Variants in CYP2J2 observed in about 807,000 individuals in gnomAD.
CYP2J2 encodes the protein cytochrome P450 family 2 subfamily J member 2.
Under a neutral mutation model 48.8 loss-of-function variants are expected in CYP2J2, and 41 were observed. That is an observed-to-expected ratio of 0.84 (90% CI 0.66 to 1.09). The LOEUF (loss-of-function observed/expected upper bound fraction) is 1.09. Among genes scored for constraint, CYP2J2 ranks in the 50% least tolerant of loss-of-function variants. The pLI, the probability that CYP2J2 is intolerant of heterozygous loss-of-function variation, is 0.00. For synonymous variants in CYP2J2, 221 were observed against 227.1 expected (o/e 0.97, Z 0.24); for missense variants, 644 against 617.3 (o/e 1.04, Z -0.46).
intron 7 of CYP2J2, 69 bp downstream of exon 7, chr1:59,904,802 A>T: frequency 7.5e-7 from 1 of 1,334,242 alleles, no homozygotes; most frequent in Non-Finnish European, 1.1e-6. Flanking sequence ...TAGGACAAGA[A>T]TAAATGTCAC....
At chr1:59,949,854 T>C in the CYP2J2 span, among the ~76,000 whole-genome samples, 1 of 152,144 alleles carries the variant, frequency 6.6e-6, no homozygotes, top group East Asian at 1.9e-4. Context: ...TGCTCCACCC[T>C]CTCAGTACCA....
At chr1:59,960,440 C>T in the CYP2J2 span, among the ~76,000 whole-genome samples, 1 of 152,186 alleles carries the variant, frequency 6.6e-6, no homozygotes, top group African/African-American at 2.4e-5. Context: ...GGGGAAAGTA[C>T]ACTGAATGGT....
In CYP2J2 at chr1:59,893,913, A is replaced by C. The variant is rs185108933; in HGVS notation, c.1331-84T>G. 2.6e-3 allele frequency: 3,422 copies of C among 1,341,138 alleles called. 8 individuals carry two copies. Among genetic ancestry groups the C allele is most frequent in the Middle Eastern group, 3.4e-3 (18 of 5,274 alleles). The allele number at this position is 1,341,138 out of a possible 1,614,324, so 83.1% of individuals were successfully genotyped here. A position where few individuals can be genotyped will look rare whatever the true frequency, so the allele number is the denominator to read the frequency against. On this transcript the variant is annotated intron_variant, in intron 8 of 8. Coordinates refer to ENST00000371204, the MANE Select transcript of CYP2J2 (RefSeq NM_000775.4). Reference sequence around the variant, plus strand: ...GATTGCTATCCTCAATCATATCCCCAAAAAAATGGAGCAGAGGAAGGGCCT... The same window carrying C: ...GATTGCTATCCTCAATCATATCCCCCAAAAAATGGAGCAGAGGAAGGGCCT...
intron 6 of CYP2J2, 103 bp downstream of exon 6, chr1:59,907,683 C>G: frequency 1.5e-6 from 2 of 1,292,176 alleles, no homozygotes; most frequent in Non-Finnish European, 1.1e-6. Flanking sequence ...TGTTCTGCCT[C>G]TCTTTTCATC....
chr1:59,935,028 A>ATATATATATATATATACATG, the CYP2J2 span, among the ~76,000 whole-genome samples: 1 of 107,498 alleles, frequency 9.3e-6, no homozygotes, highest in East Asian at 2.5e-4. Flanking sequence ...ATATATATAT[A>ATATATATATATATATACATG]TATATATATA....
chr1:59,949,763 A>C, the CYP2J2 span, among the ~76,000 whole-genome samples: 1 of 148,264 alleles, frequency 6.7e-6, no homozygotes, highest in Non-Finnish European at 1.5e-5. Flanking sequence ...CTCTCAGCAG[A>C]TATTTATTTT....
At chr1:59,936,540 C>A in the CYP2J2 span, among the ~76,000 whole-genome samples, 1 of 152,136 alleles carries the variant, frequency 6.6e-6, no homozygotes, top group South Asian at 2.1e-4. Context: ...AACACATGCA[C>A]CTTGGATTTC....
chr1:59,962,660 T>C, the CYP2J2 span, among the ~76,000 whole-genome samples: 5 of 152,178 alleles, frequency 3.3e-5, no homozygotes, highest in Admixed American at 3.3e-4. Context: ...AGTCATAATG[T>C]TATAATTGAA....
chr1:59,948,644 T>G, the CYP2J2 span, among the ~76,000 whole-genome samples: 1 of 152,358 alleles, frequency 6.6e-6, no homozygotes, highest in Non-Finnish European at 1.5e-5. Flanking sequence ...CTTATTGCAC[T>G]AATAATCATA....
Position 59,904,932 on chromosome 1 carries a change from G to T in CYP2J2, c.1130C>A (p.Pro377His). The change falls in exon 7 of 9, where the codon CCC becomes CAC. Residue 377 changes from proline (P) to histidine (H), a missense_variant. Transcript: ENST00000371204. ...TGTCACTTCCCTGGGAACGTTCAGG[G>T]GGATGATGTTGCCCATTCTCTGCAC... ...HEVQRMGNII[P>H]LNVPREVTVD... The T allele has an allele frequency of 6.2e-7, 1 of 1,613,902 alleles. No individual in the cohort carries two copies. Among genetic ancestry groups the T allele is most frequent in the Non-Finnish European group, 8.5e-7 (1 of 1,179,938 alleles).
At chr1:59,899,135 G>A (rs983185496) in intron 8 of CYP2J2, among the ~76,000 whole-genome samples, 7 of 152,194 alleles carry the variant, frequency 4.6e-5, no homozygotes, top group African/African-American at 1.4e-4. Flanking sequence ...TTTGTGGAAT[G>A]CAGAGGTCAC....
upstream of CYP2J2, chr1:59,926,914 C>A: frequency 1.6e-6 from 1 of 639,234 alleles, no homozygotes; most frequent in Non-Finnish European, 2.7e-6. Context: ...ACGCACCGGT[C>A]TCAGAAAAGG....
the CYP2J2 span, among the ~76,000 whole-genome samples, chr1:59,935,352 A>G: frequency 3.9e-5 from 6 of 152,084 alleles, no homozygotes; most frequent in Non-Finnish European, 7.4e-5. Flanking sequence ...TATAGTTAAC[A>G]GTGCATTGTG....
At chr1:59,939,450 T>A in the CYP2J2 span, among the ~76,000 whole-genome samples, 2 of 152,222 alleles carry the variant, frequency 1.3e-5, no homozygotes, top group East Asian at 3.9e-4. Context: ...TCTCTCTCTC[T>A]CTGTTCCAAG....
the CYP2J2 span, among the ~76,000 whole-genome samples, chr1:59,961,018 T>C: frequency 5.3e-5 from 8 of 152,300 alleles, no homozygotes; most frequent in South Asian, 1.7e-3. Context: ...TAAATATAGG[T>C]GCTAAAATGA....
rs962737923 is a variant in CYP2J2 at position 59,911,904 on chromosome 1, T to C, written c.524-136A>G. The C allele has an allele frequency of 3.2e-6, 3 of 924,458 alleles. No homozygotes were observed. In the East Asian group the frequency reaches 7.5e-5, roughly 23 times the overall value. The allele number at this position is 924,458 out of a possible 1,614,324, so 57.3% of individuals were successfully genotyped here. ...AGGAGCTGGCCACATGACCTTACAC[T>C]GCATCTGACATACAACAAGTATTCA... On this transcript the variant is annotated intron_variant, in intron 3 of 8. Coordinates refer to ENST00000371204, the MANE Select transcript of CYP2J2 (RefSeq NM_000775.4).
chr1:59,969,188 G>A, the CYP2J2 span, among the ~76,000 whole-genome samples: 9 of 152,354 alleles, frequency 5.9e-5, no homozygotes, highest in Non-Finnish European at 7.3e-5. Flanking sequence ...AACTTCCACA[G>A]TATGAAAGGG....
intron 8 of CYP2J2, among the ~76,000 whole-genome samples, chr1:59,899,067 C>T (rs11572313): frequency 0.038 from 5,853 of 152,232 alleles, 370 homozygotes; most frequent in African/African-American, 0.13. Context: ...TTTAAAACCA[C>T]GGACTTCTAA....
the CYP2J2 span, among the ~76,000 whole-genome samples, chr1:59,955,073 T>C: frequency 6.6e-6 from 1 of 151,696 alleles, no homozygotes; most frequent in African/African-American, 2.4e-5. Context: ...GGGAGGCGGA[T>C]GTTGCAGTGA....
Sources: gnomAD v4.1 joint callset for allele counts (sites outside exome capture counted in the v4.1 genomes callset) on GRCh38, gnomAD v4.1.1 for gene constraint, MANE v1.5 for transcripts, NCBI Gene and HGNC (gene_info 2026-07-23, HGNC 2026-07-21) for gene names.